Variants in HERC3 observed in about 807,000 individuals in gnomAD.
The protein encoded by HERC3 is HECT and RLD domain containing E3 ubiquitin protein ligase 3, also known as probable E3 ubiquitin-protein ligase HERC3.
A neutral mutation model predicts 129.9 loss-of-function variants in HERC3; 58 were observed. The observed-to-expected ratio is 0.45, with a 90% CI of 0.36 to 0.56. The LOEUF (loss-of-function observed/expected upper bound fraction) is 0.56, where lower values mean the gene tolerates loss of function less well. Among genes scored for constraint, HERC3 ranks in the 20% least tolerant of loss-of-function variants. HERC3 has a pLI of 0.00. For synonymous variants in HERC3, 430 were observed against 451.0 expected (o/e 0.95, Z 0.59); for missense variants, 835 against 1,244.2 (o/e 0.67, Z 4.95).
At chr4:88,654,956 C>A (rs924914990) in intron 7 of HERC3, among the ~76,000 whole-genome samples, 4 of 152,172 alleles carry the variant, frequency 2.6e-5, no homozygotes, top group African/African-American at 9.7e-5. Flanking sequence ...GCACACATTC[C>A]TTTGAGCATT....
intron 13 of HERC3, 134 bp downstream of exon 13, chr4:88,667,622 G>T: frequency 1.6e-6 from 1 of 644,006 alleles, no homozygotes. Flanking sequence ...TTTACTCTGG[G>T]AATTAGACCT....
chr4:88,639,829 A>G (rs1430314164), intron 3 of HERC3, among the ~76,000 whole-genome samples: 1 of 152,164 alleles, frequency 6.6e-6, no homozygotes, highest in Non-Finnish European at 1.5e-5. Context: ...TTTGCACTCT[A>G]CCCATCTGAC....
chr4:88,548,541 T>TTGGG, the HERC3 span, among the ~76,000 whole-genome samples: 1 of 152,180 alleles, frequency 6.6e-6, no homozygotes, highest in South Asian at 2.1e-4. Flanking sequence ...CGTTTTTCAA[T>TTGGG]TGGGTTGTCT....
At chr4:88,664,742 AT>A (rs905139899) in intron 12 of HERC3, among the ~76,000 whole-genome samples, 7 of 152,238 alleles carry the variant, frequency 4.6e-5, no homozygotes, top group Admixed American at 2.6e-4. Context: ...CAGTTTTAAA[AT>A]TTTTATTATT....
intron 3 of HERC3, among the ~76,000 whole-genome samples, chr4:88,646,802 G>A (rs756331029): frequency 1.4e-4 from 21 of 152,194 alleles, no homozygotes; most frequent in Non-Finnish European, 2.8e-4. Flanking sequence ...GCCTGAATTA[G>A]ACGAGCGCAG....
intron 8 of HERC3, 63 bp from the exon 9 acceptor site, chr4:88,655,812 G>T: frequency 6.6e-7 from 1 of 1,518,490 alleles, no homozygotes; most frequent in Non-Finnish European, 9.0e-7. Context: ...TTAAAAGTCA[G>T]AGTCAGAGTG....
At chr4:88,692,193 A>G (rs998400357) in intron 23 of HERC3, among the ~76,000 whole-genome samples, 17 of 152,138 alleles carry the variant, frequency 1.1e-4, no homozygotes, top group African/African-American at 3.1e-4. Context: ...AGCATTTCTT[A>G]TGGTCTATAA....
intron 3 of HERC3, among the ~76,000 whole-genome samples, chr4:88,612,289 CTGTGTG>C (rs3220740): frequency 2.5e-4 from 35 of 141,700 alleles, no homozygotes; most frequent in South Asian, 1.2e-3. Flanking sequence ...ATGTGACCAA[CTGTGTG>C]TGTGTGTGTG....
intron 21 of HERC3, among the ~76,000 whole-genome samples, chr4:88,685,864 G>C (rs1476187257): frequency 6.6e-6 from 1 of 152,008 alleles, no homozygotes; most frequent in African/African-American, 2.4e-5. Flanking sequence ...AATAAAACCA[G>C]ACTTACTTTT....
At chr4:88,697,332 TTCC>T (rs147461195) in intron 23 of HERC3, 25 of 1,611,802 alleles carry the variant, frequency 1.6e-5, no homozygotes, top group East Asian at 2.2e-5. Flanking sequence ...CGTACTCCTC[TTCC>T]TCCTCCTCCT....
chr4:88,662,377 A>C, intron 10 of HERC3, 54 bp from the exon 11 acceptor site: 1 of 1,531,488 alleles, frequency 6.5e-7, no homozygotes, highest in African/African-American at 1.4e-5. Context: ...AGGAGAGGAG[A>C]CAAGATCCAT....
At position 88,697,561 on chromosome 4, in the gene HERC3, G is replaced by T. The variant is rs200424572; in HGVS notation, c.2658-6537G>T. 4.1e-4 allele frequency: 666 copies of T among 1,613,796 alleles called. No individual in the cohort carries two copies. The highest frequency in any genetic ancestry group is 5.4e-4 in the Non-Finnish European group (641 of 1,179,994). On this transcript the variant is annotated intron_variant, in intron 23 of 25. Coordinates refer to ENST00000402738, the MANE Select transcript of HERC3 (RefSeq NM_014606.3). Reference sequence around the variant, plus strand: ...CAGGCTCTCGATAAAGTCATTTTTCGGCTTTGGGGCATTCTCTGCAGGGGT... The same window carrying T: ...CAGGCTCTCGATAAAGTCATTTTTCTGCTTTGGGGCATTCTCTGCAGGGGT...
rs1356402960 is a variant in HERC3, at chr4:88,669,876, G to A, written c.1650G>A (p.Gln550=). Reference sequence around the variant, plus strand: ...TTTCTAAAGATAACTGGTGGTCTCAGGTATGCCCGAAATATTTCATGAAGC... The same window carrying A: ...TTTCTAAAGATAACTGGTGGTCTCAAGTATGCCCGAAATATTTCATGAAGC... ...PSKVLDNWWS[Q]VCPKYFMKLV... is the part of the protein sequence containing the mutation. The change falls in exon 15 of 26, where the codon CAG becomes CAA. Residue 550 remains glutamine (Q), a synonymous_variant. Coordinates refer to ENST00000402738, the MANE Select transcript of HERC3 (RefSeq NM_014606.3). The A allele has an allele frequency of 6.2e-7, 1 of 1,613,254 alleles. No individual in the cohort carries two copies. Among genetic ancestry groups the A allele is most frequent in the East Asian group, 2.2e-5 (1 of 44,856 alleles).
upstream of HERC3, among the ~76,000 whole-genome samples, chr4:88,589,946 T>A (rs886907185): frequency 5.3e-5 from 8 of 152,210 alleles, no homozygotes; most frequent in Non-Finnish European, 1.2e-4. Context: ...ATAACCATCC[T>A]TTTCCTCAAG....
the HERC3 span, among the ~76,000 whole-genome samples, chr4:88,554,463 G>A: frequency 6.6e-6 from 1 of 152,112 alleles, no homozygotes; most frequent in East Asian, 1.9e-4. Context: ...CTGTGAAGAT[G>A]AGGTAAATAA....
chr4:88,596,523 T>C (rs1722408471), intron 2 of HERC3, among the ~76,000 whole-genome samples: 1 of 152,212 alleles, frequency 6.6e-6, no homozygotes, highest in Non-Finnish European at 1.5e-5. Flanking sequence ...TGTACTCTGC[T>C]GAGAATGGAA....
the HERC3 span, among the ~76,000 whole-genome samples, chr4:88,547,562 C>G: frequency 2.8e-4 from 43 of 152,328 alleles, no homozygotes; most frequent in Non-Finnish European, 6.0e-4. Flanking sequence ...TCTACTTTCT[C>G]TCTACTAATT....
At chr4:88,662,934 C>G (rs1730643848) in intron 11 of HERC3, among the ~76,000 whole-genome samples, 1 of 150,690 alleles carries the variant, frequency 6.6e-6, no homozygotes. Flanking sequence ...GTTATCTTAC[C>G]TAATCTTAAT....
At chr4:88,681,562 C>G (rs1732782754) in intron 21 of HERC3, among the ~76,000 whole-genome samples, 1 of 152,292 alleles carries the variant, frequency 6.6e-6, no homozygotes, top group Non-Finnish European at 1.5e-5. Flanking sequence ...CCTGCAGATA[C>G]CAAAATCCAC....
Sources: allele counts gnomAD v4.1 joint callset (sites outside exome capture counted in the v4.1 genomes callset), GRCh38; gene constraint gnomAD v4.1.1; transcripts MANE v1.5; gene names NCBI Gene and HGNC (gene_info 2026-07-23, HGNC 2026-07-21).